The following DNAH12 variants were observed in gnomAD, a reference collection of about 807,000 sequenced individuals.
The protein encoded by DNAH12 is axonemal beta dynein heavy chain 12.
Under a neutral mutation model 371.5 loss-of-function variants are expected in DNAH12, and 285 were observed. That is an observed-to-expected ratio of 0.77 (90% CI 0.70 to 0.85). The LOEUF (loss-of-function observed/expected upper bound fraction) is 0.85. Among genes scored for constraint, DNAH12 ranks in the 40% least tolerant of loss-of-function variants. DNAH12 has a pLI of 0.00. For missense variants in DNAH12, 3,611 were observed against 3,689.4 expected, an observed-to-expected ratio of 0.98 and a Z score of 0.55; for synonymous variants, 1,200 against 1,213.0, an observed-to-expected ratio of 0.99 and a Z score of 0.22.
chr3:57,494,696 C>T (rs2067250374), intron 11 of DNAH12, among the ~76,000 whole-genome samples: 1 of 152,178 alleles, frequency 6.6e-6, no homozygotes, highest in Non-Finnish European at 1.5e-5. Flanking sequence ...CACTATTACA[C>T]ATGACATGAT....
At chr3:57,499,173 T>C (rs1274299238) in intron 11 of DNAH12, among the ~76,000 whole-genome samples, 1 of 152,042 alleles carries the variant, frequency 6.6e-6, no homozygotes, top group Non-Finnish European at 1.5e-5. Flanking sequence ...ACCTAATCTA[T>C]AGTAACAGAA....
chr3:57,301,180 A>C (rs546550414), intron 70 of DNAH12, among the ~76,000 whole-genome samples: 5 of 145,588 alleles, frequency 3.4e-5, no homozygotes, highest in African/African-American at 1.3e-4. Flanking sequence ...CCAGTTATTC[A>C]AGAGGATCCC....
intron 4 of DNAH12, chr3:57,519,785 C>CCA (rs2068341442): frequency 6.5e-7 from 1 of 1,528,270 alleles, no homozygotes; most frequent in East Asian, 2.2e-5. Context: ...TCTCCCAAGA[C>CCA]CACAACACAG....
intron 35 of DNAH12, among the ~76,000 whole-genome samples, chr3:57,424,470 C>CA (rs71088068): frequency 0.029 from 3,481 of 118,314 alleles, 156 homozygotes; most frequent in African/African-American, 0.078. Context: ...GATTCCATCT[C>CA]AAAAAAAAAA....
Position 57,309,252 on chromosome 3 carries a change from G to T in DNAH12, c.11088C>A (p.Leu3696=), listed in dbSNP as rs1470698303. The change falls in exon 69 of 74, where the codon CTC becomes CTA. Residue 3696 remains leucine, a splice_region_variant and synonymous_variant. Transcript: ENST00000495027. The stretch of plus-strand genomic sequence containing the variant: ...CCATTTCAATGTCGAAATCACTAGG[G>T]AGCTAAAAGAATAGATTTTGAAGAT... ...LEITKDILNK[L]PSDFDIEMAL... The T allele has an allele frequency of 1.3e-6, 2 of 1,537,798 alleles. No individual in the cohort carries two copies. Among genetic ancestry groups the T allele is most frequent in the Non-Finnish European group, 1.7e-6 (2 of 1,143,346 alleles).
intron 6 of DNAH12, 33 bp downstream of exon 6, chr3:57,509,107 G>C: frequency 6.4e-7 from 1 of 1,555,760 alleles, no homozygotes; most frequent in Non-Finnish European, 8.8e-7. Context: ...TCAAAAATTG[G>C]ATGAAGTACT....
chr3:57,430,956 G>C (rs1481165242), intron 32 of DNAH12, among the ~76,000 whole-genome samples: 1 of 152,112 alleles, frequency 6.6e-6, no homozygotes, highest in Non-Finnish European at 1.5e-5. Flanking sequence ...TTAAAATTCA[G>C]TTCTTCAACT....
chr3:57,475,574 T>G (rs185228305), intron 13 of DNAH12, among the ~76,000 whole-genome samples: 1 of 152,186 alleles, frequency 6.6e-6, no homozygotes, highest in Non-Finnish European at 1.5e-5. Context: ...TTTTACCACT[T>G]TTTTAACTGC....
chr3:57,523,207 A>C (rs1282109405), intron 4 of DNAH12, among the ~76,000 whole-genome samples: 5 of 151,968 alleles, frequency 3.3e-5, no homozygotes, highest in African/African-American at 1.2e-4. Context: ...ATATAGTGAG[A>C]TCTCATTTCT....
chr3:57,330,107 T>C (rs1013773221), intron 62 of DNAH12, among the ~76,000 whole-genome samples: 10 of 151,928 alleles, frequency 6.6e-5, no homozygotes, highest in African/African-American at 2.4e-4. Flanking sequence ...ACTTTTACAC[T>C]GTTGGTGGGA....
chr3:57,502,063 C>T (rs1413357733), intron 10 of DNAH12, among the ~76,000 whole-genome samples: 1 of 152,130 alleles, frequency 6.6e-6, no homozygotes, highest in Admixed American at 6.5e-5. Flanking sequence ...CCCGCCACGA[C>T]GCCCGGCTAA....
chr3:57,433,287 A>G, intron 32 of DNAH12, 80 bp downstream of exon 32: 2 of 1,388,454 alleles, frequency 1.4e-6, no homozygotes, highest in African/African-American at 1.5e-5. Flanking sequence ...TTTATTTTAA[A>G]TAGAGTCCTA....
intron 45 of DNAH12, among the ~76,000 whole-genome samples, chr3:57,389,490 C>T (rs1242404273): frequency 6.6e-6 from 1 of 151,872 alleles, no homozygotes; most frequent in Non-Finnish European, 1.5e-5. Context: ...ACGTTCTTTC[C>T]GTCTTGTTGT....
intron 55 of DNAH12, among the ~76,000 whole-genome samples, chr3:57,368,744 G>A (rs2063104199): frequency 6.6e-6 from 1 of 152,176 alleles, no homozygotes; most frequent in African/African-American, 2.4e-5. Context: ...GTATATATCT[G>A]AGATCTATTT....
At chr3:57,503,929 G>A in intron 9 of DNAH12, 87 bp downstream of exon 9, 1 of 1,041,196 alleles carries the variant, frequency 9.6e-7, no homozygotes, top group Non-Finnish European at 1.3e-6. Context: ...AACAGAAAGA[G>A]TCATAACATT....
intron 25 of DNAH12, among the ~76,000 whole-genome samples, chr3:57,448,503 T>C (rs543557274): frequency 4.6e-5 from 7 of 151,618 alleles, no homozygotes; most frequent in African/African-American, 1.7e-4. Flanking sequence ...AGTGAAGCTG[T>C]AGGTCTTCGC....
intron 43 of DNAH12, among the ~76,000 whole-genome samples, chr3:57,396,565 T>C (rs901687798): frequency 1.0e-4 from 15 of 147,262 alleles, no homozygotes; most frequent in African/African-American, 2.8e-4. Context: ...AAGTGATTCT[T>C]CTGCCTCAGC....
intron 6 of DNAH12, 134 bp downstream of exon 6, chr3:57,509,006 C>T: frequency 1.3e-6 from 1 of 762,612 alleles, no homozygotes; most frequent in South Asian, 1.9e-5. Context: ...GAGGTAAAAA[C>T]AAGAGTACTT....
At position 57,334,484 on chromosome 3, in the gene DNAH12, C is replaced by A; in HGVS notation, c.9959G>T (p.Arg3320Leu). ...TTTTACCTTATCAGGTCTTAAACAC[C>A]GAAGAATTATTATTTTCTGTAGTTC... ...LNELQKIIIL[R>L]CLRPDKITPA... The change falls in exon 62 of 74, where the codon CGG (arginine) becomes CTG (leucine). Residue 3320 changes from arginine (R) to leucine (L), a missense_variant. Coordinates refer to ENST00000495027, the MANE Select transcript of DNAH12 (RefSeq NM_001366028.2). 6.5e-7 allele frequency: 1 copy of A among 1,548,374 alleles called. No individual in the cohort carries two copies. Among genetic ancestry groups the A allele is most frequent in the Non-Finnish European group, 8.7e-7 (1 of 1,146,344 alleles).
Sources: allele counts gnomAD v4.1 joint callset (sites outside exome capture counted in the v4.1 genomes callset), GRCh38; gene constraint gnomAD v4.1.1; transcripts MANE v1.5; gene names NCBI Gene and HGNC (gene_info 2026-07-23, HGNC 2026-07-21).